The following MYH14 variants were observed in gnomAD, a reference collection of about 807,000 sequenced individuals.
The protein encoded by MYH14 is myosin heavy chain 14, also known as myosin-14.
A neutral mutation model predicts 255.5 loss-of-function variants in MYH14; 123 were observed. The observed-to-expected ratio is 0.48, with a 90% CI of 0.42 to 0.56. The LOEUF is 0.56. Among genes scored for constraint, MYH14 ranks in the 20% least tolerant of loss-of-function variants. The pLI is 0.00. For synonymous variants in MYH14, 1,095 were observed against 1,161.2 expected, an observed-to-expected ratio of 0.94 and a Z score of 1.16; for missense variants, 2,423 against 2,802.3, an observed-to-expected ratio of 0.86 and a Z score of 3.06.
intron 8 of MYH14, 44 bp downstream of exon 8, chr19:50,227,010 C>A (rs780068821): frequency 1.3e-6 from 2 of 1,592,928 alleles, no homozygotes; most frequent in Admixed American, 1.7e-5. Flanking sequence ...AGGGGGGCAG[C>A]CTTTCAGACA....
At chr19:50,239,497 G>A (rs1042272911) in intron 10 of MYH14, among the ~76,000 whole-genome samples, 1 of 152,130 alleles carries the variant, frequency 6.6e-6, no homozygotes, top group Non-Finnish European at 1.5e-5. Flanking sequence ...GTTTTTGGCG[G>A]GAGTATTCCA....
At chr19:50,262,703 A>G (rs1426744680) in intron 21 of MYH14, among the ~76,000 whole-genome samples, 3 of 151,780 alleles carry the variant, frequency 2.0e-5, no homozygotes, top group African/African-American at 7.3e-5. Flanking sequence ...GCGTGTTGGG[A>G]TGGGCTGATA....
intron 10 of MYH14, among the ~76,000 whole-genome samples, chr19:50,239,730 T>C (rs2033815774): frequency 6.6e-6 from 1 of 152,126 alleles, no homozygotes; most frequent in Admixed American, 6.6e-5. Context: ...TTTGTATTTT[T>C]AGTAGAGACA....
intron 10 of MYH14, among the ~76,000 whole-genome samples, chr19:50,243,269 C>T (rs2033960796): frequency 6.6e-6 from 1 of 152,128 alleles, no homozygotes; most frequent in African/African-American, 2.4e-5. Flanking sequence ...AACCCCATCT[C>T]TACTAAAAAT....
chr19:50,225,413 C>T (rs2033041150), intron 6 of MYH14, among the ~76,000 whole-genome samples, 172 bp from the exon 7 acceptor site: 1 of 152,200 alleles, frequency 6.6e-6, no homozygotes, highest in Non-Finnish European at 1.5e-5. Context: ...CTCTTCCCCT[C>T]ACAATAGACA....
chr19:50,248,103 G>GATCA (rs1203907974), intron 12 of MYH14, among the ~76,000 whole-genome samples: 1 of 151,370 alleles, frequency 6.6e-6, no homozygotes, highest in Non-Finnish European at 1.5e-5. Context: ...AATTGAAGGA[G>GATCA]GTCAGGTCAG....
At chr19:50,238,439 T>C (rs1224255050) in intron 10 of MYH14, among the ~76,000 whole-genome samples, 1 of 152,172 alleles carries the variant, frequency 6.6e-6, no homozygotes, top group African/African-American at 2.4e-5. Context: ...TCTTTATTTA[T>C]CTTTTTTATT....
chr19:50,241,645 AT>A (rs57785862), intron 10 of MYH14, among the ~76,000 whole-genome samples: 21,502 of 146,288 alleles, frequency 0.15, 1,702 homozygotes, highest in African/African-American at 0.19. Context: ...CTGTATATTA[AT>A]TTTTTTTTTT....
rs556134342 is a variant in MYH14 at position 50,224,756 on chromosome 19, T to A, written c.717+579T>A. 4.8e-5 allele frequency: 22 copies of A among 456,222 alleles called. 1 individual carries two copies. In the East Asian group the frequency reaches 9.0e-4, roughly 19 times the overall value. The allele number at this position is 456,222 out of a possible 1,614,324, so 28.3% of individuals were successfully genotyped here. A position where few individuals can be genotyped will look rare whatever the true frequency, so the allele number is the denominator to read the frequency against. On this transcript the variant is annotated intron_variant, in intron 6 of 42. Coordinates refer to ENST00000642316, the MANE Select transcript of MYH14 (RefSeq NM_001145809.2). ...AACCCACTATTTTTTGAAGGCCTAT[T>A]ATATGCCAGACTGCTTGAAGCACTT...
chr19:50,212,033 A>T (rs1308268049), intron 2 of MYH14, among the ~76,000 whole-genome samples: 1 of 152,118 alleles, frequency 6.6e-6, no homozygotes, highest in Admixed American at 6.6e-5. Flanking sequence ...GAGATTGATG[A>T]TACTTAGGTT....
rs2034313961 is a variant in MYH14 at position 50,250,192 on chromosome 19, CT to C, written c.1657-322del. Among the ~76,000 whole-genome samples, 1 of 149,630 alleles carries C rather than the reference CT, an allele frequency of 6.7e-6. No homozygotes were observed. Among genetic ancestry groups the C allele is most frequent in the South Asian group, 2.1e-4 (1 of 4,776 alleles). ...CTCTGCTTACTGCAAGCTTCGCCCC[CT>C]GGGTTCACGCCATTCTCCTGCCTCA... On this transcript the variant is annotated intron_variant, in intron 14 of 42. Transcript: ENST00000642316. This position sits in a 1 kb window ranked among gnomAD's most constrained non-coding sequence, Gnocchi z 5.4.
chr19:50,223,874 G>C (rs1476538414), intron 5 of MYH14, among the ~76,000 whole-genome samples: 1 of 152,260 alleles, frequency 6.6e-6, no homozygotes, highest in South Asian at 2.1e-4. Flanking sequence ...TTGGGAGGCC[G>C]AGGCAGGAGG....
At chr19:50,292,876 G>A (rs566097615) in intron 37 of MYH14, among the ~76,000 whole-genome samples, 1 of 152,050 alleles carries the variant, frequency 6.6e-6, no homozygotes, top group East Asian at 1.9e-4. Context: ...CAGTCAGAAG[G>A]CAGGAGGGAG....
At chr19:50,249,377 C>T (rs1006624552) in intron 13 of MYH14, 5 of 614,874 alleles carry the variant, frequency 8.1e-6, no homozygotes, top group South Asian at 6.6e-5. Flanking sequence ...CTCTGTCCCC[C>T]TCTCTCTCTG....
chr19:50,300,446 ATT>A (rs1304628778), intron 39 of MYH14, among the ~76,000 whole-genome samples: 1 of 152,056 alleles, frequency 6.6e-6, no homozygotes, highest in East Asian at 1.9e-4. Flanking sequence ...TCACCATTTT[ATT>A]TCACAATAAA....
At chr19:50,301,890 C>T (rs1164067358) in intron 40 of MYH14, 21 bp downstream of exon 40, 2 of 1,584,916 alleles carry the variant, frequency 1.3e-6, no homozygotes, top group Admixed American at 3.6e-5. Flanking sequence ...GCGGAGGCCA[C>T]AGGAGAAAGG....
chr19:50,299,239 C>G (rs1044048649), intron 39 of MYH14, among the ~76,000 whole-genome samples: 1 of 152,112 alleles, frequency 6.6e-6, no homozygotes, highest in South Asian at 2.1e-4. Context: ...GAGAGGAACT[C>G]TACAAGGCTA....
At chr19:50,213,916 C>A (rs2032333132) in intron 2 of MYH14, among the ~76,000 whole-genome samples, 1 of 152,190 alleles carries the variant, frequency 6.6e-6, no homozygotes, top group South Asian at 2.1e-4. Context: ...GCTCAACCTC[C>A]TGGGCTCAAG....
rs1311956945 is a variant in MYH14, at chr19:50,293,067, G to A, written c.5257-166G>A. On this transcript the variant is annotated intron_variant, in intron 37 of 42. Coordinates refer to ENST00000642316, the MANE Select transcript of MYH14 (RefSeq NM_001145809.2). This position sits in a 1 kb window ranked among gnomAD's most constrained non-coding sequence, Gnocchi z 4.1. ...GTGAGCACAGGTCAGGGGCTCAGGAGACAGATTTAGGAGACATCTGTAGGT... is the reference window on the plus strand; with the variant it reads ...GTGAGCACAGGTCAGGGGCTCAGGAAACAGATTTAGGAGACATCTGTAGGT... Among the ~76,000 whole-genome samples the A allele has an allele frequency of 1.3e-5, 2 of 152,036 alleles. No homozygotes were observed. The highest frequency in any genetic ancestry group is 2.9e-5 in the Non-Finnish European group (2 of 67,998).
Sources: gnomAD v4.1 joint callset for allele counts (sites outside exome capture counted in the v4.1 genomes callset) on GRCh38, gnomAD v4.1.1 for gene constraint, Gnocchi (gnomAD v3.1) non-coding constraint, MANE v1.5 for transcripts, NCBI Gene and HGNC (gene_info 2026-07-23, HGNC 2026-07-21) for gene names.